The following LRP1 variants were observed in gnomAD, a reference collection of about 807,000 sequenced individuals.
LRP1 encodes the protein LDL receptor related protein 1, also known as prolow-density lipoprotein receptor-related protein 1.
In LRP1, 51 loss-of-function variants were observed where a neutral mutation model predicts 541.5. The ratio of observed to expected loss-of-function variants is 0.09; its 90% CI spans 0.08 to 0.12. The LOEUF (loss-of-function observed/expected upper bound fraction) is 0.12, where lower values mean the gene tolerates loss of function less well. Among genes scored for constraint, LRP1 ranks in the 10% least tolerant of loss-of-function variants. The pLI is 1.00. For synonymous variants in LRP1, 2,219 were observed against 2,470.8 expected (o/e 0.90, Z 3.02); for missense variants, 3,878 against 6,376.2 (o/e 0.61, Z 13.34).
At chr12:57,161,169 TTGGGCG>T (rs1236902323) in intron 13 of LRP1, 54 bp downstream of exon 13, 1 of 1,562,082 alleles carries the variant, frequency 6.4e-7, no homozygotes, top group African/African-American at 1.3e-5. Context: ...TAGACCATGC[TTGGGCG>T]TGGATGAGGT....
intron 15 of LRP1, chr12:57,164,900 A>C (rs529942438): frequency 1.3e-5 from 2 of 152,394 alleles, no homozygotes; most frequent in African/African-American, 4.8e-5. Context: ...GATCATCCAC[A>C]TGGAAGTTGA....
intron 1 of LRP1, among the ~76,000 whole-genome samples, chr12:57,130,402 C>T (rs1323460331): frequency 6.6e-6 from 1 of 152,138 alleles, no homozygotes; most frequent in Non-Finnish European, 1.5e-5. Flanking sequence ...GTTGTGCCAT[C>T]TTGGGGACTC....
At position 57,154,022 on chromosome 12, in the gene LRP1, TCAACCAGCCAGC is replaced by T. The variant is rs959126757; in HGVS notation, c.842-183_842-172del. ...GGGCTAGAATTGGGAAGTCTGTCAG[TCAACCAGCCAGC>T]CAGCATTTACGCAAGCCCTCCTGTA... On this transcript the variant is annotated intron_variant, in intron 6 of 88. Coordinates refer to ENST00000243077, the MANE Select transcript of LRP1 (RefSeq NM_002332.3). The surrounding 1 kb of genome is among the most constrained non-coding windows in gnomAD (Gnocchi z 4.6). 6.6e-6 allele frequency among the ~76,000 whole-genome samples: 1 copy of T among 151,980 alleles called. No homozygotes were observed. Among genetic ancestry groups the T allele is most frequent in the Non-Finnish European group, 1.5e-5 (1 of 68,008 alleles).
Position 57,141,450 on chromosome 12 carries a change from C to A in LRP1, c.267C>A (p.Ser89=), listed in dbSNP as rs1344779461. 6.2e-7 allele frequency: 1 copy of A among 1,614,054 alleles called. No homozygotes were observed. Among genetic ancestry groups the A allele is most frequent in the Non-Finnish European group, 8.5e-7 (1 of 1,180,034 alleles). ...GTACTGAGCTGTGTGTTCCCATGTCCCGCCTCTGCAATGGGGTCCAGGACT... is the reference window on the plus strand; with the variant it reads ...GTACTGAGCTGTGTGTTCCCATGTCACGCCTCTGCAATGGGGTCCAGGACT... ...CLGTELCVPM[S]RLCNGVQDCM... Residue 89 remains serine (S), a synonymous_variant, in exon 3 of 89, where the codon TCC becomes TCA. Coordinates refer to ENST00000243077, the MANE Select transcript of LRP1 (RefSeq NM_002332.3).
At chr12:57,209,988 G>A (rs2036871319) in intron 80 of LRP1, 41 bp from the exon 81 acceptor site, 2 of 1,583,716 alleles carry the variant, frequency 1.3e-6, no homozygotes, top group East Asian at 4.5e-5. Context: ...CTCAGAGAAG[G>A]GTCCTGCTCA....
At chr12:57,175,728 TGGGGCAGGCC>T (rs771851539) in intron 23 of LRP1, 23 bp downstream of exon 23, 9 of 1,555,810 alleles carry the variant, frequency 5.8e-6, no homozygotes. Flanking sequence ...TGAGGTGTGG[TGGGGCAGGCC>T]GAGGCAGGCC....
rs779980786 is a variant in LRP1, at chr12:57,154,236, G to A, written c.870G>A (p.Leu290=). 6.2e-7 allele frequency: 1 copy of A among 1,614,162 alleles called. No individual in the cohort carries two copies. The highest frequency in any genetic ancestry group is 1.1e-5 in the South Asian group (1 of 91,082). ...TGGAACAGATGGCCATCGACTGGCT[G>A]ACAGGCAACTTCTACTTTGTGGATG... ...HHVEQMAIDW[L]TGNFYFVDDI... is the part of the protein sequence containing the mutation. Residue 290 remains leucine, a synonymous_variant, in exon 7 of 89, where the codon CTG becomes CTA. Transcript: ENST00000243077. The surrounding 1 kb of genome is among the most constrained non-coding windows in gnomAD (Gnocchi z 4.6).
At position 57,174,087 on chromosome 12, in the gene LRP1, C is replaced by T. The variant is rs186613597; in HGVS notation, c.3547+107C>T. The T allele has an allele frequency of 4.4e-4, 527 of 1,188,008 alleles. 2 individuals are homozygous for T. The highest frequency in any genetic ancestry group is 1.1e-4 in the Non-Finnish European group (92 of 835,908). The allele number at this position is 1,188,008 out of a possible 1,614,324, so 73.6% of individuals were successfully genotyped here. A position where few individuals can be genotyped will look rare whatever the true frequency, so the allele number is the denominator to read the frequency against. ...TCTAGGAGAGAGCAGCTCTGGCAGCCGGGCAGGCGAGCAGCACCCAGAGTG... is the reference window on the plus strand; with the variant it reads ...TCTAGGAGAGAGCAGCTCTGGCAGCTGGGCAGGCGAGCAGCACCCAGAGTG... On this transcript the variant is annotated intron_variant, in intron 22 of 88. Transcript: ENST00000243077.
chr12:57,181,379 T>C (rs989938437), intron 34 of LRP1, 88 bp downstream of exon 34: 11 of 1,484,382 alleles, frequency 7.4e-6, no homozygotes, highest in South Asian at 3.9e-5. Context: ...TCTTCTTACC[T>C]TGGGGACAAG....
Position 57,162,734 on chromosome 12 carries a change from T to C in LRP1, c.2405-124T>C. On this transcript the variant is annotated intron_variant, in intron 14 of 88. Coordinates refer to ENST00000243077, the MANE Select transcript of LRP1 (RefSeq NM_002332.3). This position sits in a 1 kb window ranked among gnomAD's most constrained non-coding sequence, Gnocchi z 5.2. ...CTGTGTCTCCTGTTCTTCAACATGA[T>C]CTTCTTCCTCTCCATATTTCCTCTT... 8.5e-7 allele frequency: 1 copy of C among 1,176,974 alleles called. No homozygotes were observed. The allele number at this position is 1,176,974 out of a possible 1,614,324, so 72.9% of individuals were successfully genotyped here.
chr12:57,199,195 G>C lies in LRP1; in HGVS notation c.9677-17G>C. ...GCTCCGGCTGACTGGCACTGTGCCT[G>C]CCCCTTGGCCCTGCAGTGCTGAGCC... On this transcript the variant is annotated splice_polypyrimidine_tract_variant and intron_variant, in intron 60 of 88. Coordinates refer to ENST00000243077, the MANE Select transcript of LRP1 (RefSeq NM_002332.3). 6.2e-7 allele frequency: 1 copy of C among 1,610,182 alleles called. No individual in the cohort carries two copies. Among genetic ancestry groups the C allele is most frequent in the Non-Finnish European group, 8.5e-7 (1 of 1,178,256 alleles).
At chr12:57,159,358 G>A (rs764849981) in intron 11 of LRP1, among the ~76,000 whole-genome samples, 1 of 152,166 alleles carries the variant, frequency 6.6e-6, no homozygotes, top group African/African-American at 2.4e-5. Context: ...AAAGATTAGG[G>A]GTCCCTATAC....
Position 57,195,285 on chromosome 12 carries a change from G to T in LRP1, c.8323G>T (p.Gly2775Cys), listed in dbSNP as rs761544053. Residue 2775 changes from glycine to cysteine, a missense_variant, in exon 52 of 89, where the codon GGC (glycine) becomes TGC (cysteine). Transcript: ENST00000243077. ...EAAHCEGKTC[G>C]PSSFSCPGTH... The stretch of plus-strand genomic sequence containing the variant: ...TCCCCCTACAGAAGGCAAGACGTGC[G>T]GCCCCTCCTCCTTCTCCTGCCCTGG... 6.2e-7 allele frequency: 1 copy of T among 1,613,946 alleles called. No homozygotes were observed.
At chr12:57,160,153 C>T in intron 12 of LRP1, 148 bp downstream of exon 12, 1 of 736,542 alleles carries the variant, frequency 1.4e-6, no homozygotes. Flanking sequence ...AGAAGGAGTC[C>T]CTGTCTTCAG....
intron 42 of LRP1, among the ~76,000 whole-genome samples, chr12:57,190,050 A>G (rs551072965): frequency 6.6e-6 from 1 of 152,186 alleles, no homozygotes; most frequent in South Asian, 2.1e-4. Flanking sequence ...TGCCTCCTTT[A>G]CTGAGAGGAA....
At chr12:57,137,479 GCTT>G (rs1372149089) in intron 1 of LRP1, among the ~76,000 whole-genome samples, 3 of 152,088 alleles carry the variant, frequency 2.0e-5, no homozygotes, top group African/African-American at 7.2e-5. Context: ...ATCTTTAGGT[GCTT>G]CTTAACTCTA....
At chr12:57,172,867 T>G (rs772829836) in intron 20 of LRP1, among the ~76,000 whole-genome samples, 1 of 152,132 alleles carries the variant, frequency 6.6e-6, no homozygotes, top group Non-Finnish European at 1.5e-5. Flanking sequence ...ATGAATGAAA[T>G]AGAGGCTAAG....
chr12:57,172,120 C>T (rs2035956660), intron 20 of LRP1, among the ~76,000 whole-genome samples: 1 of 148,290 alleles, frequency 6.7e-6, no homozygotes, highest in Non-Finnish European at 1.5e-5. Context: ...AGTACAGTGG[C>T]GTGATCTCGG....
intron 68 of LRP1, 42 bp downstream of exon 68, chr12:57,202,579 G>A (rs1331503419): frequency 4.0e-5 from 49 of 1,211,400 alleles, no homozygotes; most frequent in Non-Finnish European, 5.1e-5. Flanking sequence ...CCCCTCCCAG[G>A]CCTGGCCCTT....
Sources: allele counts gnomAD v4.1 joint callset (sites outside exome capture counted in the v4.1 genomes callset), GRCh38; gene constraint gnomAD v4.1.1; non-coding constraint Gnocchi (gnomAD v3.1); transcripts MANE v1.5; gene names NCBI Gene and HGNC (gene_info 2026-07-23, HGNC 2026-07-21).